The following PTPRT variants were observed in gnomAD, a reference collection of about 807,000 sequenced individuals.
The protein encoded by PTPRT is protein tyrosine phosphatase receptor type T, also known as receptor-type tyrosine-protein phosphatase T.
A neutral mutation model predicts 176.8 loss-of-function variants in PTPRT; 56 were observed. The observed-to-expected ratio is 0.32, with a 90% CI of 0.26 to 0.40. The LOEUF is 0.40. PTPRT is among the 10% of genes least tolerant of loss of function. The probability of loss-of-function intolerance (pLI) is 1.00; values close to 1 mark genes in which losing one functional copy is unlikely to be tolerated. For synonymous variants in PTPRT, 783 were observed against 739.0 expected (o/e 1.06, Z -0.96); for missense variants, 1,540 against 1,908.2 (o/e 0.81, Z 3.60).
At chr20:42,340,188 C>T (rs893081693) in intron 11 of PTPRT, among the ~76,000 whole-genome samples, 1 of 152,148 alleles carries the variant, frequency 6.6e-6, no homozygotes, top group African/African-American at 2.4e-5. Context: ...TTAATTTTAA[C>T]TAGCTTAAAT....
At position 42,199,347 on chromosome 20, in the gene PTPRT, T is replaced by C. The variant is rs754524565; in HGVS notation, c.2384A>G (p.Gln795Arg). ...KKQKETQSGA[Q>R]REMGPVASAD... ...AGAGGCCACAGGCCCCATCTCCCTC[T>C]GGGCTCCACTCTGGGTCTCCTTCTG... is the stretch of plus-strand genomic sequence containing the variant. The change falls in exon 16 of 31, where the codon CAG (glutamine) becomes CGG (arginine). Residue 795 changes from glutamine (Q) to arginine (R), a missense_variant. This residue lies in a region of PTPRT where 255 missense variants were observed against 250.1 expected (regional missense o/e 1.02). Coordinates refer to ENST00000373187, the MANE Select transcript of PTPRT (RefSeq NM_007050.6). The C allele has an allele frequency of 5.0e-6, 8 of 1,614,038 alleles. No individual in the cohort carries two copies. The highest frequency in any genetic ancestry group is 4.2e-6 in the Non-Finnish European group (5 of 1,180,002).
At chr20:42,921,720 C>T (rs959039301) in intron 1 of PTPRT, among the ~76,000 whole-genome samples, 6 of 152,182 alleles carry the variant, frequency 3.9e-5, no homozygotes, top group African/African-American at 7.2e-5. Context: ...CGGCAGCATC[C>T]GATCTCAGAA....
chr20:42,305,007 G>T (rs944502757), intron 12 of PTPRT, among the ~76,000 whole-genome samples: 3 of 152,118 alleles, frequency 2.0e-5, no homozygotes, highest in Non-Finnish European at 4.4e-5. Context: ...CTAGGCCTCT[G>T]GTGCAATGAT....
intron 6 of PTPRT, among the ~76,000 whole-genome samples, chr20:42,720,805 G>A (rs2076291517): frequency 6.6e-6 from 1 of 152,186 alleles, no homozygotes; most frequent in Non-Finnish European, 1.5e-5. Context: ...TTGTCATAGA[G>A]GCATAGAATA....
intron 1 of PTPRT, among the ~76,000 whole-genome samples, chr20:43,163,456 G>T (rs934219813): frequency 5.9e-5 from 9 of 152,072 alleles, no homozygotes; most frequent in Non-Finnish European, 1.0e-4. Flanking sequence ...GGCTAACATG[G>T]TGAAACCCCG....
the PTPRT span, among the ~76,000 whole-genome samples, chr20:42,063,187 G>T: frequency 0.21 from 31,563 of 152,054 alleles, 6,044 homozygotes; most frequent in African/African-American, 0.49. Flanking sequence ...ATTGTCTTTG[G>T]TTTTTGTGAC....
At chr20:42,301,032 C>T (rs1346877765) in intron 12 of PTPRT, among the ~76,000 whole-genome samples, 1 of 151,758 alleles carries the variant, frequency 6.6e-6, no homozygotes, top group African/African-American at 2.4e-5. Flanking sequence ...TAGTTGATTT[C>T]AACAAAAAAT....
intron 1 of PTPRT, among the ~76,000 whole-genome samples, chr20:43,142,934 T>G (rs184845814): frequency 3.3e-5 from 5 of 152,324 alleles, no homozygotes; most frequent in South Asian, 4.2e-4. Flanking sequence ...CACACATTAT[T>G]TCAGTGACTC....
At chr20:42,567,202 G>C (rs1046287219) in intron 7 of PTPRT, among the ~76,000 whole-genome samples, 1 of 152,028 alleles carries the variant, frequency 6.6e-6, no homozygotes, top group African/African-American at 2.4e-5. Context: ...GAACCCAGGA[G>C]GTGGAGGCTG....
intron 9 of PTPRT, among the ~76,000 whole-genome samples, chr20:42,419,233 G>T (rs1257463761): frequency 3.3e-5 from 5 of 152,108 alleles, no homozygotes; most frequent in African/African-American, 1.2e-4. Flanking sequence ...CCCAATATGT[G>T]GCCAAGACAG....
At chr20:43,028,049 T>C (rs1239791575) in intron 1 of PTPRT, among the ~76,000 whole-genome samples, 1 of 152,186 alleles carries the variant, frequency 6.6e-6, no homozygotes, top group Non-Finnish European at 1.5e-5. Context: ...AAGGTCTTTG[T>C]TTTTAATGAA....
intron 1 of PTPRT, among the ~76,000 whole-genome samples, chr20:42,963,069 A>C (rs956721544): frequency 6.6e-6 from 1 of 152,126 alleles, no homozygotes; most frequent in African/African-American, 2.4e-5. Flanking sequence ...GCATGGTGGC[A>C]GGCACCTGTA....
chr20:43,025,284 C>A (rs1985864835), intron 1 of PTPRT, among the ~76,000 whole-genome samples: 1 of 152,224 alleles, frequency 6.6e-6, no homozygotes, highest in African/African-American at 2.4e-5. Context: ...CACACAAGGT[C>A]TCCTAATGAC....
In PTPRT at chr20:42,814,825, T is replaced by C. The variant is rs147703497; in HGVS notation, c.215-23359A>G. On this transcript the variant is annotated intron_variant, in intron 2 of 30. Transcript: ENST00000373187. The stretch of plus-strand genomic sequence containing the variant: ...GGTTTTTTCAATCAGAAGGCCCCTA[T>C]TTTGCTGAACACCAACATTAGTTTA... 2.0e-4 allele frequency among the ~76,000 whole-genome samples: 31 copies of C among 152,262 alleles called. No homozygotes were observed. The East Asian group carries it at 5.6e-3, about 28-fold the overall frequency.
chr20:42,589,592 TAAAG>T (rs1311074484), intron 7 of PTPRT, among the ~76,000 whole-genome samples: 5 of 152,168 alleles, frequency 3.3e-5, no homozygotes, highest in Non-Finnish European at 7.3e-5. Context: ...AACTTTATGA[TAAAG>T]AACTCAAAAT....
intron 1 of PTPRT, among the ~76,000 whole-genome samples, chr20:42,911,494 C>T (rs1164046227): frequency 2.6e-5 from 4 of 152,132 alleles, no homozygotes; most frequent in Non-Finnish European, 5.9e-5. Flanking sequence ...CAAATGCCTA[C>T]TGGCACCAGT....
In PTPRT at chr20:42,087,898, G is replaced by GAAGAAGAA. The variant is rs370813404; in HGVS notation, c.3847-2053_3847-2046dup. ...AAAAAAAAAAAAAAAAAAAAAAATA[G>GAAGAAGAA]AAGAAGAAGAAGAGATGGATATCTT... On this transcript the variant is annotated intron_variant, in intron 27 of 30. Transcript: ENST00000373187. 2.6e-4 allele frequency among the ~76,000 whole-genome samples: 36 copies of GAAGAAGAA among 138,244 alleles called. 1 individual carries two copies. The highest frequency in any genetic ancestry group is 8.9e-4 in the African/African-American group (34 of 38,302). The allele number at this position is 138,244 out of a possible 152,430, so 90.7% of individuals were successfully genotyped here.
At chr20:43,059,714 C>A (rs193236582) in intron 1 of PTPRT, among the ~76,000 whole-genome samples, 117 of 152,310 alleles carry the variant, frequency 7.7e-4, no homozygotes, top group Middle Eastern at 3.4e-3. Flanking sequence ...CCCAGTGACT[C>A]ATGCCTGTAA....
chr20:43,172,807 T>C (rs1600770451), intron 1 of PTPRT, among the ~76,000 whole-genome samples: 1 of 151,466 alleles, frequency 6.6e-6, no homozygotes, highest in Non-Finnish European at 1.5e-5. Flanking sequence ...AGGTCACACA[T>C]ACAGCTTATA....
Sources: gnomAD v4.1 joint callset for allele counts (sites outside exome capture counted in the v4.1 genomes callset) on GRCh38, gnomAD v4.1.1 for gene constraint, gnomAD v4.1.1 regional missense constraint, MANE v1.5 for transcripts, NCBI Gene and HGNC (gene_info 2026-07-23, HGNC 2026-07-21) for gene names.